KIF3A: variants seen among roughly 807,000 people sequenced by gnomAD.
The protein encoded by KIF3A is kinesin-like protein KIF3A.
KIF3A carries 27 observed loss-of-function variants against 92.6 expected under a neutral mutation model. The ratio of observed to expected loss-of-function variants is 0.29; its 90% CI spans 0.21 to 0.40. KIF3A has a LOEUF of 0.40. KIF3A is among the 10% of genes least tolerant of loss of function. The pLI, the probability that KIF3A is intolerant of heterozygous loss-of-function variation, is 1.00. For missense variants in KIF3A, 581 were observed against 872.6 expected (o/e 0.67, Z 4.21); for synonymous variants, 250 against 275.4 (o/e 0.91, Z 0.92).
At position 132,693,925 on chromosome 5, in the gene KIF3A, G is replaced by A. The variant is rs190975173; in HGVS notation, c.*2709C>T. The A allele has an allele frequency of 3.1e-3, 468 of 151,474 alleles. No homozygotes were observed. The highest frequency in any genetic ancestry group is 5.4e-3 in the Non-Finnish European group (370 of 68,030). 9.4% of individuals were successfully genotyped at this position (151,474 alleles called of 1,614,324 possible). On this transcript the variant is annotated 3_prime_UTR_variant, in exon 19 of 19. Coordinates refer to ENST00000403231, the MANE Select transcript of KIF3A (RefSeq NM_001300791.2). ...GAACCCAGGAGGCAGAGGTTGCAGTGAGCCGAGATCGCGCCACTGCACTCC... is the reference window on the plus strand; with the variant it reads ...GAACCCAGGAGGCAGAGGTTGCAGTAAGCCGAGATCGCGCCACTGCACTCC...
At chr5:132,702,747 T>C (rs527898810) in intron 13 of KIF3A, 79 bp from the exon 14 acceptor site, 1 of 1,315,424 alleles carries the variant, frequency 7.6e-7, no homozygotes, top group Non-Finnish European at 1.1e-6. Flanking sequence ...ATGACATAAA[T>C]GTTTAGCAAA....
chr5:132,708,281 C>CAAAAAAAAAAAAAAAAAAAAAAAAAAA (rs58058674), intron 10 of KIF3A, among the ~76,000 whole-genome samples: 1 of 66,480 alleles, frequency 1.5e-5, no homozygotes. Context: ...GACTCCGTCT[C>CAAAAAAAAAAAAAAAAAAAAAAAAAAA]AAAAAAAAAA....
chr5:132,734,158 A>C (rs1250759437), intron 2 of KIF3A, 47 bp downstream of exon 2: 1 of 1,437,018 alleles, frequency 7.0e-7, no homozygotes, highest in Admixed American at 1.8e-5. Flanking sequence ...TGGCACAGTA[A>C]TTATGTCTCA....
downstream of KIF3A, among the ~76,000 whole-genome samples, chr5:132,690,141 G>T (rs1020669031): frequency 6.6e-6 from 1 of 152,176 alleles, no homozygotes; most frequent in African/African-American, 2.4e-5. Flanking sequence ...GCTTGAACTC[G>T]GGAGGCAGAG....
At chr5:132,736,544 C>T (rs753183058) in intron 1 of KIF3A, among the ~76,000 whole-genome samples, 5 of 152,208 alleles carry the variant, frequency 3.3e-5, no homozygotes, top group Non-Finnish European at 7.3e-5. Flanking sequence ...AATGTTGTAT[C>T]TTCAGGGCCT....
intron 2 of KIF3A, among the ~76,000 whole-genome samples, chr5:132,732,595 T>C (rs1192975266): frequency 6.6e-6 from 1 of 152,012 alleles, no homozygotes; most frequent in African/African-American, 2.4e-5. Context: ...GCCAATATGG[T>C]GAAACCCCGT....
At chr5:132,706,124 G>T (rs1476359138) in intron 11 of KIF3A, among the ~76,000 whole-genome samples, 1 of 151,956 alleles carries the variant, frequency 6.6e-6, no homozygotes, top group African/African-American at 2.4e-5. Flanking sequence ...AGTCCTAATT[G>T]AATTAATTTC....
intron 4 of KIF3A, chr5:132,723,423 A>C (rs921013021): frequency 2.0e-5 from 3 of 152,226 alleles, no homozygotes; most frequent in African/African-American, 7.2e-5. Flanking sequence ...CAGTAACCAA[A>C]ACAGCATGGT....
intron 4 of KIF3A, chr5:132,723,631 C>A (rs376052681): frequency 1.3e-5 from 2 of 152,174 alleles, no homozygotes; most frequent in Non-Finnish European, 2.9e-5. Flanking sequence ...CTTCCTTACA[C>A]CTTATACAAA....
chr5:132,700,293 A>C lies in KIF3A; in HGVS notation c.1939-9T>G. On this transcript the variant is annotated splice_polypyrimidine_tract_variant and intron_variant, in intron 16 of 18. Coordinates refer to ENST00000403231, the MANE Select transcript of KIF3A (RefSeq NM_001300791.2). ...GTATAAGCAACACATTTCTCAAAAA[A>C]AGAAAAGGGAGAGACAGAGAAATGT... 6.5e-7 allele frequency: 1 copy of C among 1,549,570 alleles called. No individual in the cohort carries two copies. Among genetic ancestry groups the C allele is most frequent in the South Asian group, 1.1e-5 (1 of 87,750 alleles).
In KIF3A at chr5:132,734,309, T is replaced by C; in HGVS notation, c.176A>G (p.Lys59Arg). 6.2e-7 allele frequency: 1 copy of C among 1,614,174 alleles called. No homozygotes were observed. Among genetic ancestry groups the C allele is most frequent in the East Asian group, 2.2e-5 (1 of 44,882 alleles). ...AAAAACAGTATCAAAAGTAAATGTC[T>C]TTGGAGGTTCATTGGAAGAATCAGT... ...HKTDSSNEPP[K>R]TFTFDTVFGP... is the part of the protein sequence containing the mutation. Residue 59 changes from lysine (K) to arginine (R), a missense_variant, in exon 2 of 19, where the codon AAG (lysine) becomes AGG (arginine). By Grantham distance (26) the Lys-to-Arg change is conservative. Coordinates refer to ENST00000403231, the MANE Select transcript of KIF3A (RefSeq NM_001300791.2).
At chr5:132,724,800 AAAAAAAATATAT>A (rs1254177205) in intron 4 of KIF3A, among the ~76,000 whole-genome samples, 1 of 36,900 alleles carries the variant, frequency 2.7e-5, no homozygotes, top group African/African-American at 1.2e-4. Flanking sequence ...AATAAAAAAA[AAAAAAAATATAT>A]ATATATATAT....
chr5:132,708,614 T>A (rs1335014394), intron 10 of KIF3A, among the ~76,000 whole-genome samples: 2 of 152,220 alleles, frequency 1.3e-5, no homozygotes, highest in Non-Finnish European at 2.9e-5. Context: ...AAAATAAGCA[T>A]AAGAATTATT....
intron 2 of KIF3A, among the ~76,000 whole-genome samples, chr5:132,728,669 G>A (rs922352179): frequency 2.0e-5 from 3 of 152,112 alleles, no homozygotes; most frequent in Non-Finnish European, 4.4e-5. Flanking sequence ...CCTGGGAGGC[G>A]AAGGCTGCAG....
At position 132,702,957 on chromosome 5, in the gene KIF3A, T is replaced by C. The variant is rs769850578; in HGVS notation, c.1575A>G (p.Glu525=). The C allele has an allele frequency of 9.3e-6, 15 of 1,613,300 alleles. No homozygotes were observed. Among genetic ancestry groups the C allele is most frequent in the South Asian group, 3.3e-5 (3 of 90,858 alleles). Residue 525 remains glutamate (E), a synonymous_variant, in exon 13 of 19, where the codon GAA becomes GAG. Transcript: ENST00000403231. ...AKAEEQEKLL[E]ESNMELEERR... ...TTTCTTCCAGTTCCATGTTAGATTCTTCAAGAAGTTTCTCTTGTTCCTCAG... is the reference window on the plus strand; with the variant it reads ...TTTCTTCCAGTTCCATGTTAGATTCCTCAAGAAGTTTCTCTTGTTCCTCAG...
At chr5:132,724,457 GCAGC>G (rs1309555173) in intron 4 of KIF3A, among the ~76,000 whole-genome samples, 1 of 152,066 alleles carries the variant, frequency 6.6e-6, no homozygotes, top group East Asian at 1.9e-4. Context: ...GGAATACTAT[GCAGC>G]CATAAAAAAT....
chr5:132,701,373 C>T (rs1273553205), intron 15 of KIF3A, among the ~76,000 whole-genome samples: 1 of 151,788 alleles, frequency 6.6e-6, no homozygotes, highest in African/African-American at 2.4e-5. Flanking sequence ...GTGGTACACG[C>T]CTGTAATCCC....
intron 9 of KIF3A, 89 bp from the exon 10 acceptor site, chr5:132,709,067 G>C: frequency 9.3e-7 from 1 of 1,072,292 alleles, no homozygotes; most frequent in South Asian, 1.5e-5. Flanking sequence ...TCAGTTTTCA[G>C]AGAAAAAAAT....
intron 17 of KIF3A, chr5:132,699,560 CTT>C (rs763198565): frequency 6.3e-3 from 2,589 of 407,970 alleles, no homozygotes; most frequent in East Asian, 8.5e-3. Context: ...TCTTCTTCTT[CTT>C]TTTTTTTTTT....
Sources: gnomAD v4.1 joint callset for allele counts (sites outside exome capture counted in the v4.1 genomes callset) on GRCh38, gnomAD v4.1.1 for gene constraint, MANE v1.5 for transcripts, NCBI Gene and HGNC (gene_info 2026-07-23, HGNC 2026-07-21) for gene names.